HTR4: variants seen among roughly 807,000 people sequenced by gnomAD.
The protein encoded by HTR4 is 5-hydroxytryptamine (serotonin) receptor 4, G protein-coupled.
HTR4 carries 16 observed loss-of-function variants against 36.8 expected under a neutral mutation model. The observed-to-expected ratio is 0.43, with a 90% CI of 0.29 to 0.66. The LOEUF (loss-of-function observed/expected upper bound fraction) is 0.66, where lower values mean the gene tolerates loss of function less well. HTR4 is among the 30% of genes least tolerant of loss of function. The probability of loss-of-function intolerance (pLI) is 0.13; values close to 1 mark genes in which losing one functional copy is unlikely to be tolerated. For missense variants in HTR4, 438 were observed against 490.9 expected, an observed-to-expected ratio of 0.89 and a Z score of 1.02; for synonymous variants, 189 against 185.1, an observed-to-expected ratio of 1.02 and a Z score of -0.17.
intron 5 of HTR4, among the ~76,000 whole-genome samples, chr5:148,464,324 G>T (rs1467939481): frequency 6.6e-6 from 1 of 152,066 alleles, no homozygotes; most frequent in African/African-American, 2.4e-5. Flanking sequence ...AAAAATATTT[G>T]CAAAAGACAT....
chr5:148,535,407 T>C (rs1022850807), intron 4 of HTR4, among the ~76,000 whole-genome samples: 1 of 152,236 alleles, frequency 6.6e-6, no homozygotes, highest in South Asian at 2.1e-4. Context: ...GACAGAAATA[T>C]AATTCAGAAT....
chr5:148,451,032 C>G (rs1268963846), exon 6 of HTR4: 6 of 1,332,672 alleles, frequency 4.5e-6, no homozygotes, highest in Non-Finnish European at 5.1e-6. Flanking sequence ...CAGCTACCCC[C>G]CAACACTGTC....
chr5:148,565,184 A>T (rs1760384971), intron 2 of HTR4, among the ~76,000 whole-genome samples: 2 of 151,916 alleles, frequency 1.3e-5, no homozygotes, highest in African/African-American at 4.8e-5. Context: ...AGTGTCTGTT[A>T]TCTTAATCCT....
At chr5:148,515,396 A>T (rs1474992366) in intron 5 of HTR4, among the ~76,000 whole-genome samples, 4 of 152,108 alleles carry the variant, frequency 2.6e-5, no homozygotes, top group East Asian at 1.9e-4. Flanking sequence ...GTTCTCTTAC[A>T]CTATCCACAT....
chr5:148,520,170 C>A (rs542568988), intron 5 of HTR4, among the ~76,000 whole-genome samples: 1 of 152,052 alleles, frequency 6.6e-6, no homozygotes, highest in Admixed American at 6.6e-5. Context: ...ATTTAATTGC[C>A]GCCAACAACA....
At chr5:148,597,503 T>G (rs1303565591) in intron 2 of HTR4, among the ~76,000 whole-genome samples, 3 of 152,192 alleles carry the variant, frequency 2.0e-5, no homozygotes, top group Non-Finnish European at 4.4e-5. Context: ...CTCATTCTTC[T>G]TCTTACTCCT....
chr5:148,618,354 A>G (rs772050914), intron 2 of HTR4, among the ~76,000 whole-genome samples: 35 of 152,208 alleles, frequency 2.3e-4, no homozygotes, highest in Admixed American at 3.3e-4. Flanking sequence ...TGTGTGTTCC[A>G]TCTACTCTTT....
At chr5:148,486,036 A>G (rs917741556) in intron 6 of HTR4, among the ~76,000 whole-genome samples, 1 of 152,142 alleles carries the variant, frequency 6.6e-6, no homozygotes, top group Admixed American at 6.5e-5. Flanking sequence ...TTGCTATTTG[A>G]TGTCTAATGC....
chr5:148,489,668 G>A (rs1023927493), intron 6 of HTR4, among the ~76,000 whole-genome samples: 1 of 152,078 alleles, frequency 6.6e-6, no homozygotes, highest in Admixed American at 6.5e-5. Context: ...AATATAATTC[G>A]CTATTTGTTT....
intron 4 of HTR4, among the ~76,000 whole-genome samples, chr5:148,546,264 G>C (rs568101430): frequency 3.3e-5 from 5 of 152,272 alleles, no homozygotes; most frequent in Non-Finnish European, 7.4e-5. Flanking sequence ...CTGGGCCAAA[G>C]TGATGCCTTA....
chr5:148,528,172 A>G (rs1758378453), intron 4 of HTR4, among the ~76,000 whole-genome samples: 1 of 152,200 alleles, frequency 6.6e-6, no homozygotes, highest in African/African-American at 2.4e-5. Context: ...AAATTAGGTT[A>G]GGTAGATTGT....
At chr5:148,573,567 C>T (rs781686635) in intron 2 of HTR4, among the ~76,000 whole-genome samples, 30 of 152,066 alleles carry the variant, frequency 2.0e-4, no homozygotes, top group Middle Eastern at 3.4e-3. Flanking sequence ...TATATCTACT[C>T]AAAAACTCAT....
At chr5:148,625,683 C>T (rs891933140) in intron 2 of HTR4, among the ~76,000 whole-genome samples, 2 of 152,076 alleles carry the variant, frequency 1.3e-5, no homozygotes, top group African/African-American at 2.4e-5. Context: ...CGGGTTCAAG[C>T]GATTCGCCTG....
At chr5:148,552,236 T>G (rs1214803548) in intron 2 of HTR4, among the ~76,000 whole-genome samples, 1 of 152,192 alleles carries the variant, frequency 6.6e-6, no homozygotes, top group African/African-American at 2.4e-5. Context: ...ATAGGCAGAT[T>G]GATAGATTGT....
downstream of HTR4, among the ~76,000 whole-genome samples, chr5:148,471,827 A>G (rs1286800150): frequency 6.6e-6 from 1 of 152,182 alleles, no homozygotes; most frequent in African/African-American, 2.4e-5. Context: ...TTTAGGGAAA[A>G]GATCATGGAT....
intron 2 of HTR4, among the ~76,000 whole-genome samples, chr5:148,595,611 C>A (rs1267930948): frequency 6.6e-6 from 1 of 152,032 alleles, no homozygotes; most frequent in Non-Finnish European, 1.5e-5. Context: ...TATTTGTGTT[C>A]TTTTAATTTA....
intron 2 of HTR4, among the ~76,000 whole-genome samples, chr5:148,581,412 T>C (rs991610334): frequency 2.1e-4 from 31 of 150,610 alleles, no homozygotes; most frequent in Admixed American, 1.3e-4. Flanking sequence ...AAGAAATTAT[T>C]ACTGAGATCA....
At chr5:148,461,533 G>A (rs373117389) in intron 5 of HTR4, among the ~76,000 whole-genome samples, 12 of 151,966 alleles carry the variant, frequency 7.9e-5, no homozygotes, top group East Asian at 1.9e-4. Context: ...GGTGCATTAC[G>A]TAATAATAAA....
intron 2 of HTR4, among the ~76,000 whole-genome samples, chr5:148,582,595 T>G (rs1761180767): frequency 1.3e-5 from 2 of 152,106 alleles, no homozygotes; most frequent in Admixed American, 1.3e-4. Flanking sequence ...GATTATGGCC[T>G]CTAGCCCAGC....
Sources: gnomAD v4.1 joint callset for allele counts (sites outside exome capture counted in the v4.1 genomes callset) on GRCh38, gnomAD v4.1.1 for gene constraint, MANE v1.5 for transcripts, NCBI Gene and HGNC (gene_info 2026-07-23, HGNC 2026-07-21) for gene names.